The following DNAI7 variants were observed in gnomAD, a reference collection of about 807,000 sequenced individuals.
DNAI7 encodes cancer susceptibility 1.
A neutral mutation model predicts 86.6 loss-of-function variants in DNAI7; 78 were observed. The observed-to-expected ratio is 0.90, with a 90% CI of 0.75 to 1.09. DNAI7 has a LOEUF of 1.09. DNAI7 is among the 50% of genes least tolerant of loss of function. The pLI, the probability that DNAI7 is intolerant of heterozygous loss-of-function variation, is 0.00. For missense variants in DNAI7, 753 were observed against 810.2 expected (o/e 0.93, Z 0.86); for synonymous variants, 274 against 273.0 (o/e 1.00, Z -0.04).
At chr12:25,173,339 T>C (rs1592620541) in intron 2 of DNAI7, among the ~76,000 whole-genome samples, 1 of 151,680 alleles carries the variant, frequency 6.6e-6, no homozygotes, top group African/African-American at 2.4e-5. Flanking sequence ...CCAATAAACA[T>C]ATGAAAAAAT....
chr12:25,108,412 GTAGAAAATGCAGAT>G lies in DNAI7; in HGVS notation c.*122_*135del. On this transcript the variant is annotated 3_prime_UTR_variant, in exon 16 of 16. Coordinates refer to ENST00000395987, the MANE Select transcript of DNAI7 (RefSeq NM_018272.5). ...ATACTGTTTTTAAAATAAAACTTGAGTAGAAAATGCAGATTAGAAAATTTTTAATAGTTGATTTG... is the reference window on the plus strand; with the variant it reads ...ATACTGTTTTTAAAATAAAACTTGAGTAGAAAATTTTTAATAGTTGATTTG... 6 of 747,304 alleles carry G rather than the reference GTAGAAAATGCAGAT, an allele frequency of 8.0e-6. No homozygotes were observed. Among genetic ancestry groups the G allele is most frequent in the Non-Finnish European group, 8.0e-6 (4 of 497,524 alleles). 46.3% of individuals were successfully genotyped at this position (747,304 alleles called of 1,614,324 possible).
intron 2 of DNAI7, among the ~76,000 whole-genome samples, chr12:25,175,299 TC>T (rs1440039129): frequency 6.6e-6 from 1 of 152,064 alleles, no homozygotes; most frequent in Non-Finnish European, 1.5e-5. Context: ...ACACACCAAA[TC>T]TTTGAGCCTA....
chr12:25,173,722 G>A (rs1232401160), intron 2 of DNAI7, among the ~76,000 whole-genome samples: 3 of 151,174 alleles, frequency 2.0e-5, no homozygotes, highest in Non-Finnish European at 4.4e-5. Context: ...CAATCAACAA[G>A]TAGATAAACT....
In DNAI7 at chr12:25,174,626, G is replaced by GAT. The variant is rs1181598423; in HGVS notation, c.22-13431_22-13430dup. Among the ~76,000 whole-genome samples, 12 of 74,432 alleles carry GAT rather than the reference G, an allele frequency of 1.6e-4. 1 individual carries two copies. Among genetic ancestry groups the GAT allele is most frequent in the African/African-American group, 1.9e-4 (3 of 15,856 alleles). The allele number at this position is 74,432 out of a possible 152,430, so 48.8% of individuals were successfully genotyped here. On this transcript the variant is annotated intron_variant, in intron 2 of 15. Coordinates refer to ENST00000395987, the MANE Select transcript of DNAI7 (RefSeq NM_018272.5). ...TATGATATATATATCATATATATGGGATATATATCATATATATGGAATATA... is the reference window on the plus strand; with the variant it reads ...TATGATATATATATCATATATATGGGATATATATATCATATATATGGAATATA...
At chr12:25,120,672 C>A (rs10842473) in intron 11 of DNAI7, among the ~76,000 whole-genome samples, 60,167 of 151,906 alleles carry the variant, frequency 0.4, 13,807 homozygotes, top group East Asian at 0.78. Flanking sequence ...TTGCAGTGAG[C>A]CAAGACAGCG....
At chr12:25,174,130 G>T (rs1405788783) in intron 2 of DNAI7, among the ~76,000 whole-genome samples, 1 of 145,456 alleles carries the variant, frequency 6.9e-6, no homozygotes, top group Non-Finnish European at 1.5e-5. Context: ...TTTTTGATGG[G>T]TTTGTTTTTT....
chr12:25,170,058 G>A (rs1947964477), intron 2 of DNAI7, among the ~76,000 whole-genome samples: 1 of 152,036 alleles, frequency 6.6e-6, no homozygotes, highest in East Asian at 1.9e-4. Flanking sequence ...AAGCAACAGT[G>A]GTTAAAAGAG....
chr12:25,126,359 C>T (rs1942134363), intron 9 of DNAI7, among the ~76,000 whole-genome samples: 1 of 152,084 alleles, frequency 6.6e-6, no homozygotes, highest in South Asian at 2.1e-4. Context: ...AAGAAATTTG[C>T]ATTTGGAAAG....
intron 12 of DNAI7, among the ~76,000 whole-genome samples, chr12:25,116,870 G>A (rs1940213053): frequency 6.6e-6 from 1 of 152,182 alleles, no homozygotes; most frequent in Non-Finnish European, 1.5e-5. Flanking sequence ...AATATCAAAA[G>A]AGATACAGTT....
At chr12:25,169,035 A>C (rs1181597327) in intron 2 of DNAI7, among the ~76,000 whole-genome samples, 2 of 152,094 alleles carry the variant, frequency 1.3e-5, no homozygotes, top group African/African-American at 4.8e-5. Context: ...TACCACCCCC[A>C]AAAATTTCGC....
intron 2 of DNAI7, among the ~76,000 whole-genome samples, chr12:25,176,120 G>A (rs888838089): frequency 3.9e-5 from 6 of 151,914 alleles, no homozygotes; most frequent in African/African-American, 1.5e-4. Flanking sequence ...ATACCACAGA[G>A]ATTTAATGAC....
At chr12:25,117,719 A>AATAAAAAGGT (rs1291772287) in intron 12 of DNAI7, among the ~76,000 whole-genome samples, 1 of 152,118 alleles carries the variant, frequency 6.6e-6, no homozygotes, top group Non-Finnish European at 1.5e-5. Context: ...ATGGCTCAAA[A>AATAAAAAGGT]ATAAAAAGGT....
intron 9 of DNAI7, among the ~76,000 whole-genome samples, chr12:25,131,164 C>CT (rs1491172574): frequency 0.34 from 3,735 of 11,090 alleles, 146 homozygotes; most frequent in African/African-American, 0.43. Context: ...TTACCCCCAA[C>CT]CAAAAAAAAA....
At chr12:25,155,860 A>G (rs1946096783) in intron 4 of DNAI7, among the ~76,000 whole-genome samples, 1 of 152,234 alleles carries the variant, frequency 6.6e-6, no homozygotes, top group Admixed American at 6.5e-5. Flanking sequence ...CTGTAATCCC[A>G]GCACTTTGGG....
At chr12:25,130,112 G>A (rs1942700196) in intron 9 of DNAI7, among the ~76,000 whole-genome samples, 1 of 152,134 alleles carries the variant, frequency 6.6e-6, no homozygotes, top group Admixed American at 6.5e-5. Context: ...GCATATATTA[G>A]AAGATATGGT....
At chr12:25,193,946 T>C (rs574997615) in intron 1 of DNAI7, among the ~76,000 whole-genome samples, 28 of 151,426 alleles carry the variant, frequency 1.8e-4, no homozygotes, top group Admixed American at 9.8e-4. Context: ...TTCAGCCCCC[T>C]GAGTAGCTGG....
chr12:25,171,747 A>G (rs1010612758), intron 2 of DNAI7, among the ~76,000 whole-genome samples: 11 of 152,306 alleles, frequency 7.2e-5, no homozygotes, highest in African/African-American at 2.4e-4. Context: ...ACCAAATTCA[A>G]CAACACATCA....
intron 8 of DNAI7, among the ~76,000 whole-genome samples, chr12:25,146,466 G>A (rs1944845003): frequency 6.6e-6 from 1 of 151,564 alleles, no homozygotes; most frequent in Non-Finnish European, 1.5e-5. Flanking sequence ...AGGTGTGGTG[G>A]CGTGCACCTG....
rs535573558 is a variant in DNAI7, at chr12:25,165,814, C to T, written c.22-4617G>A. On this transcript the variant is annotated intron_variant, in intron 2 of 15. Coordinates refer to ENST00000395987, the MANE Select transcript of DNAI7 (RefSeq NM_018272.5). ...GGTATTGACGGCCAGGCTTCTAAAC[C>T]TCTTAAAACTCCCCAACTCTGGTGC... is the stretch of plus-strand genomic sequence containing the variant. 4.1e-4 allele frequency among the ~76,000 whole-genome samples: 63 copies of T among 152,302 alleles called. 1 individual carries two copies. Among genetic ancestry groups the T allele is most frequent in the Non-Finnish European group, 7.4e-4 (50 of 68,024 alleles).
Sources: allele counts gnomAD v4.1 joint callset (sites outside exome capture counted in the v4.1 genomes callset), GRCh38; gene constraint gnomAD v4.1.1; transcripts MANE v1.5; gene names NCBI Gene and HGNC (gene_info 2026-07-23, HGNC 2026-07-21).